The following RUFY3 variants were observed in gnomAD, a reference collection of about 807,000 sequenced individuals.
The protein encoded by RUFY3 is protein RUFY3.
In RUFY3, 34 loss-of-function variants were observed where a neutral mutation model predicts 84.0. The ratio of observed to expected loss-of-function variants is 0.40; its 90% CI spans 0.31 to 0.54. The LOEUF is 0.54. Ranked by LOEUF, RUFY3 falls within the 20% of genes least tolerant of loss-of-function variation. RUFY3 has a pLI of 0.39. For missense variants in RUFY3, 507 were observed against 736.8 expected (o/e 0.69, Z 3.61); for synonymous variants, 242 against 252.9 (o/e 0.96, Z 0.41).
chr4:70,745,344 G>A (rs1405172941), intron 1 of RUFY3, among the ~76,000 whole-genome samples: 1 of 152,166 alleles, frequency 6.6e-6, no homozygotes, highest in Non-Finnish European at 1.5e-5. Context: ...ATTGTATGAT[G>A]TACAACACCT....
At chr4:70,724,451 G>A (rs1237076755) in intron 1 of RUFY3, among the ~76,000 whole-genome samples, 1 of 152,188 alleles carries the variant, frequency 6.6e-6, no homozygotes, top group Non-Finnish European at 1.5e-5. Flanking sequence ...CTATGGATAA[G>A]CAAAAGTGAG....
At chr4:70,751,817 C>G (rs1723178079) in intron 1 of RUFY3, among the ~76,000 whole-genome samples, 1 of 152,108 alleles carries the variant, frequency 6.6e-6, no homozygotes, top group Admixed American at 6.5e-5. Context: ...ATATTTAGAC[C>G]TGTGTTTCCT....
At chr4:70,791,316 C>G (rs1324436389) in intron 12 of RUFY3, 1 of 1,611,978 alleles carries the variant, frequency 6.2e-7, no homozygotes, top group African/African-American at 1.3e-5. Flanking sequence ...AAGTTGGTCA[C>G]GTCGCAAGTC....
intron 1 of RUFY3, among the ~76,000 whole-genome samples, chr4:70,713,869 C>G (rs766109682): frequency 6.6e-6 from 1 of 152,268 alleles, no homozygotes; most frequent in East Asian, 1.9e-4. Flanking sequence ...GCTCACATCT[C>G]CTTTTTACTT....
At chr4:70,775,614 A>G (rs980230911) in intron 7 of RUFY3, among the ~76,000 whole-genome samples, 3 of 152,162 alleles carry the variant, frequency 2.0e-5, no homozygotes, top group East Asian at 3.8e-4. Flanking sequence ...TTCAGAACTG[A>G]TCTTGGGTAA....
At position 70,722,452 on chromosome 4, in the gene RUFY3, A is replaced by T; in HGVS notation, c.-122A>T. 1 of 1,383,298 alleles carries T rather than the reference A, an allele frequency of 7.2e-7. No individual in the cohort carries two copies. Among genetic ancestry groups the T allele is most frequent in the Non-Finnish European group, 9.4e-7 (1 of 1,063,988 alleles). The allele number at this position is 1,383,298 out of a possible 1,614,324, so 85.7% of individuals were successfully genotyped here. A position where few individuals can be genotyped will look rare whatever the true frequency, so the allele number is the denominator to read the frequency against. On this transcript the variant is annotated 5_prime_UTR_variant, in exon 1 of 18. Transcript: ENST00000381006. The stretch of plus-strand genomic sequence containing the variant: ...TTAAACCTCCCCCACCCTTTTCCTG[A>T]AAGCTTTGTTTCAGAGCTTTGTATT...
intron 15 of RUFY3, among the ~76,000 whole-genome samples, chr4:70,801,827 C>G (rs770024356): frequency 2.0e-5 from 3 of 152,192 alleles, no homozygotes; most frequent in Non-Finnish European, 4.4e-5. Flanking sequence ...GAGAAGGGAA[C>G]TAGAAGGGCC....
At chr4:70,773,944 A>G (rs762039093) in intron 6 of RUFY3, among the ~76,000 whole-genome samples, 3 of 152,204 alleles carry the variant, frequency 2.0e-5, no homozygotes, top group Non-Finnish European at 4.4e-5. Context: ...CTGTGAGGTT[A>G]TGTAAAATAT....
At chr4:70,798,959 G>A (rs2616457) in intron 14 of RUFY3, among the ~76,000 whole-genome samples, 1,825 of 150,888 alleles carry the variant, frequency 0.012, 31 homozygotes, top group African/African-American at 0.042. Context: ...AGACCATCCT[G>A]GCCAACATGG....
chr4:70,746,455 C>T (rs1000868461), intron 1 of RUFY3, among the ~76,000 whole-genome samples: 4 of 147,410 alleles, frequency 2.7e-5, no homozygotes, highest in African/African-American at 5.0e-5. Context: ...TGCAGTGAGC[C>T]GAGATTGCAC....
intron 1 of RUFY3, among the ~76,000 whole-genome samples, chr4:70,746,883 G>T (rs1295285881): frequency 6.6e-6 from 1 of 152,190 alleles, no homozygotes; most frequent in African/African-American, 2.4e-5. Flanking sequence ...TGGTTGGCAT[G>T]GGTTGAGGAT....
chr4:70,802,967 A>G lies in RUFY3; in HGVS notation c.1634A>G (p.His545Arg). 6.2e-7 allele frequency: 1 copy of G among 1,608,960 alleles called. No homozygotes were observed. Among genetic ancestry groups the G allele is most frequent in the Middle Eastern group, 1.7e-4 (1 of 6,050 alleles). ...CTTCTCCATTGTAGGCTGCAACCCC[A>G]CCCTATGGATGAACAGGTAACAGAG... Reference protein sequence around the residue: ...PLEESHRLQPHPMDEQDQLLL... With the variant: ...PLEESHRLQPRPMDEQDQLLL... The change falls in exon 16 of 18, where the codon CAC becomes CGC. Residue 545 changes from histidine (H) to arginine (R), a missense_variant. By Grantham distance (29) the His-to-Arg change is conservative (BLOSUM62 0). Around this residue, in one of 4 missense-constraint regions of RUFY3, gnomAD observed 334 missense variants for 364.1 expected, o/e 0.92. Coordinates refer to ENST00000381006, the MANE Select transcript of RUFY3 (RefSeq NM_001037442.4).
At chr4:70,745,947 G>A (rs1722135419) in intron 1 of RUFY3, among the ~76,000 whole-genome samples, 3 of 152,062 alleles carry the variant, frequency 2.0e-5, no homozygotes, top group Non-Finnish European at 4.4e-5. Flanking sequence ...TTGCTGAGGC[G>A]AGGAATTGCT....
At chr4:70,793,027 G>A in intron 12 of RUFY3, 1 of 985,286 alleles carries the variant, frequency 1.0e-6, no homozygotes, top group Non-Finnish European at 1.2e-6. Context: ...ATTATATAAA[G>A]CCCCAAGTGC....
At chr4:70,774,267 G>T (rs1727460605) in intron 6 of RUFY3, among the ~76,000 whole-genome samples, 1 of 151,894 alleles carries the variant, frequency 6.6e-6, no homozygotes, top group African/African-American at 2.4e-5. Flanking sequence ...AGATTAGTTG[G>T]TTGTAGACGT....
intron 12 of RUFY3, chr4:70,790,023 T>G (rs1419206715): frequency 1.4e-5 from 5 of 364,196 alleles, no homozygotes; most frequent in Non-Finnish European, 3.8e-6. Flanking sequence ...CCTCCAAGGA[T>G]CTATTCTGGA....
At chr4:70,742,611 G>A (rs1398891308) in intron 1 of RUFY3, among the ~76,000 whole-genome samples, 1 of 152,202 alleles carries the variant, frequency 6.6e-6, no homozygotes, top group East Asian at 1.9e-4. Context: ...AGAACTTGGA[G>A]CTTAAGGAAG....
intron 17 of RUFY3, among the ~76,000 whole-genome samples, chr4:70,804,655 C>T (rs1029336317): frequency 2.0e-5 from 3 of 151,664 alleles, no homozygotes; most frequent in Non-Finnish European, 2.9e-5. Context: ...CGGTGACTCA[C>T]GCCTGTAATC....
rs375878418 is a variant in RUFY3, at chr4:70,793,822, T to G, written c.1375T>G (p.Leu459Val). Residue 459 changes from leucine (L) to valine (V), a missense_variant, in exon 13 of 18, where the codon TTG becomes GTG. Transcript: ENST00000381006. The stretch of plus-strand genomic sequence containing the variant: ...TGAGCGAAGCCGCCAATCTGCTGAG[T>G]TGGACAACCGGCTCTTCAAACAGGA... ...QAERSRQSAE[L>V]DNRLFKQDFG... is the part of the protein sequence containing the mutation. 8.1e-6 allele frequency: 13 copies of G among 1,614,112 alleles called. No homozygotes were observed. Among genetic ancestry groups the G allele is most frequent in the Non-Finnish European group, 1.1e-5 (13 of 1,180,010 alleles).
Sources: gnomAD v4.1 joint callset for allele counts (sites outside exome capture counted in the v4.1 genomes callset) on GRCh38, gnomAD v4.1.1 for gene constraint, gnomAD v4.1.1 regional missense constraint, MANE v1.5 for transcripts, NCBI Gene and HGNC (gene_info 2026-07-23, HGNC 2026-07-21) for gene names.